Variants in CSMD1 observed in about 807,000 individuals in gnomAD.
CSMD1 encodes the protein CUB and sushi domain-containing protein 1.
Under a neutral mutation model 417.5 loss-of-function variants are expected in CSMD1, and 213 were observed. The ratio of observed to expected loss-of-function variants is 0.51; its 90% CI spans 0.46 to 0.57. CSMD1 has a LOEUF of 0.57. Among genes scored for constraint, CSMD1 ranks in the 20% least tolerant of loss-of-function variants. CSMD1 has a pLI of 0.00. For synonymous variants in CSMD1, 2,862 were observed against 1,736.8 expected (o/e 1.65, Z -16.11); for missense variants, 6,923 against 4,529.7 (o/e 1.53, Z -15.17).
chr8:2,995,603 C>G (rs547917805), intron 54 of CSMD1, among the ~76,000 whole-genome samples: 167 of 152,258 alleles, frequency 1.1e-3, no homozygotes, highest in African/African-American at 3.7e-3. Context: ...TTCATAACAG[C>G]TCGTAGCAGC....
chr8:3,607,205 C>A (rs983982892), intron 8 of CSMD1, among the ~76,000 whole-genome samples: 35 of 152,230 alleles, frequency 2.3e-4, no homozygotes, highest in Non-Finnish European at 1.5e-4. Context: ...TAGGCCTGCA[C>A]GACGTCAGGA....
chr8:4,906,330 T>C (rs77961288), intron 1 of CSMD1, among the ~76,000 whole-genome samples: 4,677 of 152,300 alleles, frequency 0.031, 237 homozygotes, highest in African/African-American at 0.11. Flanking sequence ...TTAAGTATTA[T>C]TTTCCTTTAA....
chr8:4,755,312 C>A (rs1188931497), intron 1 of CSMD1, among the ~76,000 whole-genome samples: 2 of 152,142 alleles, frequency 1.3e-5, no homozygotes, highest in Non-Finnish European at 2.9e-5. Flanking sequence ...TAGCACTTGA[C>A]AATCTTATGT....
chr8:4,195,209 G>A (rs985795276), intron 3 of CSMD1, among the ~76,000 whole-genome samples: 2 of 152,118 alleles, frequency 1.3e-5, no homozygotes, highest in East Asian at 1.9e-4. Flanking sequence ...AAAACCTTGG[G>A]TGCATACATT....
intron 2 of CSMD1, among the ~76,000 whole-genome samples, chr8:4,480,261 G>C (rs1245399954): frequency 6.6e-6 from 1 of 151,802 alleles, no homozygotes; most frequent in Non-Finnish European, 1.5e-5. Context: ...CTCATGTCTA[G>C]GGTAGCTCTG....
intron 1 of CSMD1, among the ~76,000 whole-genome samples, chr8:4,774,395 C>T (rs554581463): frequency 1.3e-5 from 2 of 152,168 alleles, no homozygotes; most frequent in Admixed American, 6.5e-5. Flanking sequence ...ATCCCACCTC[C>T]AGTTGGAAAC....
intron 3 of CSMD1, among the ~76,000 whole-genome samples, chr8:4,176,843 A>G (rs1216880605): frequency 1.3e-5 from 2 of 148,568 alleles, no homozygotes; most frequent in African/African-American, 5.0e-5. Flanking sequence ...AGGCCATTAC[A>G]TAATGGTAAA....
chr8:3,063,392 T>C (rs1812717938), intron 49 of CSMD1, among the ~76,000 whole-genome samples: 4 of 152,244 alleles, frequency 2.6e-5, no homozygotes, highest in Admixed American at 2.6e-4. Context: ...CCTTGTGTAC[T>C]GTCAATAGGA....
At chr8:4,205,206 C>T (rs1799905633) in intron 3 of CSMD1, among the ~76,000 whole-genome samples, 1 of 152,196 alleles carries the variant, frequency 6.6e-6, no homozygotes, top group Non-Finnish European at 1.5e-5. Context: ...TAGCATTGCA[C>T]ATTTCTCTTT....
chr8:4,034,687 A>G (rs1797525159), intron 3 of CSMD1, among the ~76,000 whole-genome samples: 1 of 152,236 alleles, frequency 6.6e-6, no homozygotes, highest in Admixed American at 6.5e-5. Flanking sequence ...TGATTAAAAA[A>G]AGTAAACATG....
intron 3 of CSMD1, among the ~76,000 whole-genome samples, chr8:4,330,091 A>G (rs1306190493): frequency 6.6e-6 from 1 of 151,942 alleles, no homozygotes; most frequent in Non-Finnish European, 1.5e-5. Context: ...GAGCAATGCA[A>G]GAACAGTCCA....
At chr8:4,550,382 T>A (rs1453567249) in intron 2 of CSMD1, among the ~76,000 whole-genome samples, 1 of 151,100 alleles carries the variant, frequency 6.6e-6, no homozygotes, top group Non-Finnish European at 1.5e-5. Flanking sequence ...CTAGATGGCA[T>A]AGAAAGCTGA....
intron 2 of CSMD1, among the ~76,000 whole-genome samples, chr8:4,450,490 C>G (rs977473713): frequency 2.6e-5 from 4 of 152,032 alleles, no homozygotes; most frequent in African/African-American, 4.8e-5. Context: ...CAAAAATTAT[C>G]TGCGTGTGGT....
chr8:3,351,457 A>G (rs7814503), intron 21 of CSMD1, among the ~76,000 whole-genome samples: 62,469 of 151,588 alleles, frequency 0.41, 13,821 homozygotes, highest in Admixed American at 0.5. Context: ...CTAAAAATAC[A>G]AAAATTAGCT....
At chr8:4,351,119 G>A (rs899158576) in intron 3 of CSMD1, among the ~76,000 whole-genome samples, 1 of 151,106 alleles carries the variant, frequency 6.6e-6, no homozygotes, top group Non-Finnish European at 1.5e-5. Flanking sequence ...AGGGGTTCGA[G>A]ACCAGTCCGG....
At chr8:4,857,738 C>A (rs1176659271) in intron 1 of CSMD1, among the ~76,000 whole-genome samples, 1 of 151,924 alleles carries the variant, frequency 6.6e-6, no homozygotes, top group South Asian at 2.1e-4. Context: ...TCTGAATAGA[C>A]CAATAACAGG....
intron 1 of CSMD1, among the ~76,000 whole-genome samples, chr8:4,952,933 A>C (rs1018246035): frequency 6.6e-6 from 1 of 152,186 alleles, no homozygotes; most frequent in African/African-American, 2.4e-5. Context: ...GCTACATACT[A>C]CAAGACATGG....
chr8:3,371,477 CTTT>C (rs11443729), intron 18 of CSMD1, among the ~76,000 whole-genome samples: 3 of 146,838 alleles, frequency 2.0e-5, no homozygotes, highest in South Asian at 2.2e-4. Flanking sequence ...GGTTCCTTTG[CTTT>C]TTTTTTTTTT....
intron 1 of CSMD1, among the ~76,000 whole-genome samples, chr8:4,952,624 T>G (rs60116724): frequency 1.3e-5 from 2 of 152,056 alleles, no homozygotes; most frequent in African/African-American, 2.4e-5. Flanking sequence ...TAGAGCATAG[T>G]TGATATGGTG....
Sources: allele counts gnomAD v4.1 joint callset (sites outside exome capture counted in the v4.1 genomes callset), GRCh38; gene constraint gnomAD v4.1.1; transcripts MANE v1.5; gene names NCBI Gene and HGNC (gene_info 2026-07-23, HGNC 2026-07-21).